SVIL: variants seen among roughly 807,000 people sequenced by gnomAD.
The protein encoded by SVIL is archvillin.
A neutral mutation model predicts 240.4 loss-of-function variants in SVIL; 101 were observed. The ratio of observed to expected loss-of-function variants is 0.42; its 90% CI spans 0.36 to 0.50. The LOEUF (loss-of-function observed/expected upper bound fraction) is 0.50. SVIL is among the 20% of genes least tolerant of loss of function. The pLI, the probability that SVIL is intolerant of heterozygous loss-of-function variation, is 0.01. For synonymous variants in SVIL, 999 were observed against 1,100.0 expected (o/e 0.91, Z 1.82); for missense variants, 2,512 against 2,818.7 (o/e 0.89, Z 2.46).
chr10:29,722,317 C>T (rs1418464655), intron 1 of SVIL, among the ~76,000 whole-genome samples: 2 of 151,186 alleles, frequency 1.3e-5, no homozygotes, highest in African/African-American at 4.9e-5. Flanking sequence ...CAAATTTCTA[C>T]TGAAAAGATT....
At position 29,467,530 on chromosome 10, in the gene SVIL, C is replaced by G. The variant is rs3740005; in HGVS notation, c.5977+212G>C. Among the ~76,000 whole-genome samples, 70,176 of 151,826 alleles carry G rather than the reference C, an allele frequency of 0.46. 17,466 individuals are homozygous for G. The highest frequency in any genetic ancestry group is 0.64 in the African/African-American group (26,310 of 41,358). On this transcript the variant is annotated intron_variant, in intron 33 of 37. Coordinates refer to ENST00000355867, the MANE Select transcript of SVIL (RefSeq NM_021738.3). ...TACTCATCACACTAGATTTAAGACA[C>G]ACTGAAGAATTAAGATAAAACATGA... is the stretch of plus-strand genomic sequence containing the variant.
At chr10:29,654,936 C>T (rs1484294013) in intron 3 of SVIL, among the ~76,000 whole-genome samples, 4 of 152,060 alleles carry the variant, frequency 2.6e-5, no homozygotes, top group Admixed American at 6.6e-5. Flanking sequence ...CTATCCAGGC[C>T]CGGAGTCAAT....
intron 6 of SVIL, among the ~76,000 whole-genome samples, chr10:29,542,290 A>G (rs912943425): frequency 1.3e-5 from 2 of 152,242 alleles, no homozygotes; most frequent in African/African-American, 4.8e-5. Context: ...AAATTGTTGG[A>G]TATTCCAGTT....
intron 2 of SVIL, among the ~76,000 whole-genome samples, chr10:29,672,434 G>A (rs574677734): frequency 1.8e-4 from 26 of 144,276 alleles, no homozygotes; most frequent in Middle Eastern, 3.4e-3. Context: ...TGATCACACC[G>A]CTGTGCTTCA....
intron 2 of SVIL, among the ~76,000 whole-genome samples, chr10:29,668,044 TC>T (rs1156911333): frequency 2.0e-5 from 3 of 152,124 alleles, no homozygotes; most frequent in African/African-American, 7.2e-5. Flanking sequence ...CTTTACTAAC[TC>T]CCAGGTCCAA....
At chr10:29,703,232 T>C (rs1051319481) in intron 1 of SVIL, among the ~76,000 whole-genome samples, 3 of 152,168 alleles carry the variant, frequency 2.0e-5, no homozygotes, top group African/African-American at 7.2e-5. Flanking sequence ...TTTCTCTGGG[T>C]TCATTATTTA....
intron 1 of SVIL, among the ~76,000 whole-genome samples, chr10:29,691,280 C>T (rs1478380408): frequency 1.3e-5 from 2 of 150,340 alleles, no homozygotes; most frequent in Admixed American, 1.3e-4. Flanking sequence ...GGTGCGATCT[C>T]GGCTCACTGC....
At chr10:29,594,881 T>G (rs1026375986) in intron 1 of SVIL, among the ~76,000 whole-genome samples, 3 of 152,192 alleles carry the variant, frequency 2.0e-5, no homozygotes, top group African/African-American at 7.2e-5. Flanking sequence ...AACCTGAAAC[T>G]GCTCTAAAAA....
At chr10:29,720,731 A>G (rs1002835922) in intron 1 of SVIL, among the ~76,000 whole-genome samples, 5 of 152,250 alleles carry the variant, frequency 3.3e-5, no homozygotes, top group Non-Finnish European at 1.5e-5. Context: ...AAACTGTACA[A>G]CAATACAAAG....
chr10:29,692,389 C>G (rs2132617272), intron 1 of SVIL, among the ~76,000 whole-genome samples: 1 of 152,246 alleles, frequency 6.6e-6, no homozygotes, highest in African/African-American at 2.4e-5. Flanking sequence ...CAGCCACTTC[C>G]TAACTTGGGC....
At chr10:29,663,171 TTTTA>T (rs1387264484) in intron 2 of SVIL, among the ~76,000 whole-genome samples, 28 of 152,274 alleles carry the variant, frequency 1.8e-4, no homozygotes, top group African/African-American at 6.3e-4. Context: ...CAATGGCCCA[TTTTA>T]TTTGTCAAGA....
In SVIL at chr10:29,567,754, C is replaced by T. The variant is rs188722344; in HGVS notation, c.-143+1501G>A. On this transcript the variant is annotated intron_variant, in intron 2 of 37. Transcript: ENST00000355867. ...AGCCGAGGCCAGGCGCAGTGACTCA[C>T]GCCTGTAATCCCAGCACTTTGGGAG... 2.1e-3 allele frequency among the ~76,000 whole-genome samples: 325 copies of T among 152,292 alleles called. 3 individuals are homozygous for T. Among genetic ancestry groups the T allele is most frequent in the African/African-American group, 7.5e-3 (311 of 41,576 alleles).
chr10:29,704,181 T>C (rs1457999580), intron 1 of SVIL, among the ~76,000 whole-genome samples: 1 of 152,162 alleles, frequency 6.6e-6, no homozygotes, highest in Non-Finnish European at 1.5e-5. Context: ...CGCCTCAGCC[T>C]ACCATGCTCA....
upstream of SVIL, among the ~76,000 whole-genome samples, chr10:29,638,485 A>C (rs761833652): frequency 1.9e-4 from 29 of 152,176 alleles, no homozygotes; most frequent in Admixed American, 9.8e-4. Flanking sequence ...AAAAAGTTTA[A>C]TTAAGTATTT....
At chr10:29,459,495 A>C (rs1269196892) in intron 36 of SVIL, among the ~76,000 whole-genome samples, 1 of 152,204 alleles carries the variant, frequency 6.6e-6, no homozygotes, top group Admixed American at 6.5e-5. Flanking sequence ...TTTAAAAATA[A>C]ATATTAAAAA....
intron 2 of SVIL, among the ~76,000 whole-genome samples, chr10:29,676,721 G>GAGCT (rs1472513601): frequency 6.6e-6 from 1 of 152,198 alleles, no homozygotes; most frequent in African/African-American, 2.4e-5. Context: ...GGAGAAATTA[G>GAGCT]AGCTAGCTTT....
At chr10:29,725,110 G>A (rs1964219321) in intron 1 of SVIL, among the ~76,000 whole-genome samples, 1 of 150,482 alleles carries the variant, frequency 6.6e-6, no homozygotes, top group African/African-American at 2.5e-5. Context: ...CCTCATTATG[G>A]CACACAGTTC....
At chr10:29,494,473 TC>T (rs1186098078) in intron 20 of SVIL, among the ~76,000 whole-genome samples, 1 of 152,256 alleles carries the variant, frequency 6.6e-6, no homozygotes, top group African/African-American at 2.4e-5. Flanking sequence ...TGCATATTGC[TC>T]TTTTATTTGG....
At position 29,570,809 on chromosome 10, in the gene SVIL, G is replaced by C. The variant is rs182489865; in HGVS notation, c.-200-1497C>G. Among the ~76,000 whole-genome samples the C allele has an allele frequency of 5.9e-4, 90 of 152,286 alleles. No individual in the cohort carries two copies. In the East Asian group the frequency reaches 9.0e-3, roughly 15 times the overall value. ...CACATTATCAGCAATCACAAGATAA[G>C]CTCATTTATAAACTCAATTAGATAT... is the stretch of plus-strand genomic sequence containing the variant. On this transcript the variant is annotated intron_variant, in intron 1 of 37. Transcript: ENST00000355867.
Sources: gnomAD v4.1 joint callset for allele counts (sites outside exome capture counted in the v4.1 genomes callset) on GRCh38, gnomAD v4.1.1 for gene constraint, MANE v1.5 for transcripts, NCBI Gene and HGNC (gene_info 2026-07-23, HGNC 2026-07-21) for gene names.